The following MAST4 variants were observed in gnomAD, a reference collection of about 807,000 sequenced individuals.
The protein encoded by MAST4 is microtubule-associated serine/threonine-protein kinase 4.
Under a neutral mutation model 162.7 loss-of-function variants are expected in MAST4, and 89 were observed. The observed-to-expected ratio is 0.55, with a 90% CI of 0.46 to 0.65. The LOEUF is 0.65. MAST4 is among the 30% of genes least tolerant of loss of function. MAST4 has a pLI of 0.00. For synonymous variants in MAST4, 1,479 were observed against 1,361.1 expected, an observed-to-expected ratio of 1.09 and a Z score of -1.91; for missense variants, 3,153 against 3,374.0, an observed-to-expected ratio of 0.93 and a Z score of 1.62.
chr5:66,931,405 G>C (rs1742176798), intron 4 of MAST4, among the ~76,000 whole-genome samples: 1 of 152,048 alleles, frequency 6.6e-6, no homozygotes, highest in Non-Finnish European at 1.5e-5. Flanking sequence ...ATTCTTTGTT[G>C]TGAGGGTGGA....
At position 66,869,727 on chromosome 5, in the gene MAST4, A is replaced by G. The variant is rs964766917; in HGVS notation, c.643-30224A>G. Among the ~76,000 whole-genome samples the G allele has an allele frequency of 5.9e-5, 9 of 152,222 alleles. 1 individual carries two copies. The South Asian group carries it at 1.7e-3, about 28-fold the overall frequency. ...ATTGTAATATAGAAATTGCATTTTT[A>G]TCTAAGGAGGTCTTTTCACCCTCCT... On this transcript the variant is annotated intron_variant, in intron 3 of 28. Coordinates refer to ENST00000403625, the MANE Select transcript of MAST4 (RefSeq NM_001164664.2).
chr5:67,052,942 T>C (rs961796365), intron 4 of MAST4, among the ~76,000 whole-genome samples: 1 of 152,180 alleles, frequency 6.6e-6, no homozygotes, highest in Admixed American at 6.5e-5. Flanking sequence ...ACAGTATCTT[T>C]TAAAACCAAT....
intron 4 of MAST4, among the ~76,000 whole-genome samples, chr5:66,993,920 A>ACCCCCCC (rs55759396): frequency 5.7e-4 from 33 of 57,676 alleles, no homozygotes; most frequent in Non-Finnish European, 7.5e-4. Context: ...TGTGCAGAAG[A>ACCCCCCC]CCCCCCCCCC....
chr5:67,094,281 T>G, intron 6 of MAST4: 2 of 532,976 alleles, frequency 3.8e-6, no homozygotes, highest in Non-Finnish European at 6.2e-6. Context: ...CATGGCAGCC[T>G]ATAATTTTAT....
intron 1 of MAST4, among the ~76,000 whole-genome samples, chr5:66,755,338 CT>C (rs1368234313): frequency 6.6e-6 from 1 of 152,176 alleles, no homozygotes; most frequent in Admixed American, 6.6e-5. Context: ...CTTTCTCTTT[CT>C]GCTTATATGA....
intron 5 of MAST4, among the ~76,000 whole-genome samples, chr5:67,082,176 G>C (rs1357901532): frequency 1.4e-5 from 2 of 140,664 alleles, no homozygotes; most frequent in South Asian, 2.2e-4. Context: ...TTGAGACGGA[G>C]TCTCACTCTG....
At chr5:66,779,946 T>A (rs1335689949) in intron 2 of MAST4, among the ~76,000 whole-genome samples, 6 of 152,148 alleles carry the variant, frequency 3.9e-5, no homozygotes, top group Non-Finnish European at 8.8e-5. Flanking sequence ...AAGCAAGTGG[T>A]GTTATAGTTA....
At chr5:66,619,148 A>G (rs2149404649) in intron 1 of MAST4, among the ~76,000 whole-genome samples, 2 of 152,296 alleles carry the variant, frequency 1.3e-5, no homozygotes, top group South Asian at 4.1e-4. Flanking sequence ...AAGAATGGCC[A>G]TTGTGAGAGA....
At chr5:66,995,551 C>T (rs550461505) in intron 4 of MAST4, among the ~76,000 whole-genome samples, 35 of 152,208 alleles carry the variant, frequency 2.3e-4, no homozygotes, top group Admixed American at 1.4e-3. Context: ...TATCGGCACC[C>T]GCCACCATAC....
At chr5:67,037,531 CA>C (rs1278972622) in intron 4 of MAST4, among the ~76,000 whole-genome samples, 1 of 152,128 alleles carries the variant, frequency 6.6e-6, no homozygotes, top group Non-Finnish European at 1.5e-5. Flanking sequence ...GAAACATTGT[CA>C]ACCCTATTTC....
intron 4 of MAST4, among the ~76,000 whole-genome samples, chr5:66,904,075 A>G (rs1763187560): frequency 6.6e-6 from 1 of 152,158 alleles, no homozygotes; most frequent in Non-Finnish European, 1.5e-5. Context: ...AAGTGCCATT[A>G]TTGTTGTGGT....
chr5:67,121,133 A>G (rs747742362), intron 14 of MAST4, 31 bp downstream of exon 14: 28 of 1,455,178 alleles, frequency 1.9e-5, no homozygotes, highest in Non-Finnish European at 2.6e-5. Flanking sequence ...TCTCTATTGT[A>G]TTTCTACACA....
Position 66,828,992 on chromosome 5 carries a change from T to G in MAST4, c.642+40198T>G, listed in dbSNP as rs1757416045. ...TGGGCACGAATATGTGCATAATTCT[T>G]AGTATCTACATGGCAACGCTATACG... On this transcript the variant is annotated intron_variant, in intron 3 of 28. Transcript: ENST00000403625. 6.7e-6 allele frequency: 6 copies of G among 899,856 alleles called. No homozygotes were observed. The Middle Eastern group carries it at 8.5e-4, about 127-fold the overall frequency. The allele number at this position is 899,856 out of a possible 1,614,324, so 55.7% of individuals were successfully genotyped here. A position where few individuals can be genotyped will look rare whatever the true frequency, so the allele number is the denominator to read the frequency against.
chr5:67,163,103 A>G lies in MAST4; in HGVS notation c.3968-44A>G, dbSNP rs1197547091. ...GGGCTACAACTGTGAAAAAAAGGGG[A>G]AAATGACCATGGATGCTCACAGCCT... is the stretch of plus-strand genomic sequence containing the variant. On this transcript the variant is annotated intron_variant, in intron 28 of 28. Transcript: ENST00000403625. This position sits in a 1 kb window ranked among gnomAD's most constrained non-coding sequence, Gnocchi z 7.0. 2.1e-5 allele frequency: 32 copies of G among 1,555,500 alleles called. No homozygotes were observed. Among genetic ancestry groups the G allele is most frequent in the South Asian group, 7.2e-5 (6 of 83,420 alleles).
At chr5:67,049,064 T>C (rs1236715777) in intron 4 of MAST4, among the ~76,000 whole-genome samples, 13 of 130,716 alleles carry the variant, frequency 9.9e-5, no homozygotes, top group Non-Finnish European at 1.7e-4. Context: ...TATATACGTA[T>C]ATATATATAT....
intron 1 of MAST4, among the ~76,000 whole-genome samples, chr5:66,680,812 C>A (rs1300285973): frequency 6.6e-6 from 1 of 152,134 alleles, no homozygotes; most frequent in East Asian, 1.9e-4. Flanking sequence ...GATAAAAGTT[C>A]TTTTTATGGG....
At chr5:66,992,492 T>C (rs1484319525) in intron 4 of MAST4, among the ~76,000 whole-genome samples, 1 of 152,188 alleles carries the variant, frequency 6.6e-6, no homozygotes, top group African/African-American at 2.4e-5. Flanking sequence ...ACTTTCCCCA[T>C]CACCTATACC....
intron 1 of MAST4, among the ~76,000 whole-genome samples, chr5:66,653,091 T>A (rs549400586): frequency 2.0e-5 from 3 of 152,308 alleles, no homozygotes; most frequent in Admixed American, 2.0e-4. Context: ...TTGCCATCAA[T>A]CTCATTTAGC....
intron 3 of MAST4, among the ~76,000 whole-genome samples, chr5:66,851,739 C>T (rs1717775783): frequency 6.6e-6 from 1 of 152,144 alleles, no homozygotes; most frequent in African/African-American, 2.4e-5. Context: ...TCAGCGTTTC[C>T]TTGGTGCAGA....
Sources: gnomAD v4.1 joint callset for allele counts (sites outside exome capture counted in the v4.1 genomes callset) on GRCh38, gnomAD v4.1.1 for gene constraint, Gnocchi (gnomAD v3.1) non-coding constraint, MANE v1.5 for transcripts, NCBI Gene and HGNC (gene_info 2026-07-23, HGNC 2026-07-21) for gene names.